Variants in MYO7B observed in about 807,000 individuals in gnomAD.
MYO7B encodes the protein unconventional myosin-VIIb.
MYO7B carries 212 observed loss-of-function variants against 259.7 expected under a neutral mutation model. The ratio of observed to expected loss-of-function variants is 0.82; its 90% CI spans 0.73 to 0.91. MYO7B has a LOEUF of 0.91. Ranked by LOEUF, MYO7B falls within the 40% of genes least tolerant of loss-of-function variation. The pLI is 0.00. For synonymous variants in MYO7B, 1,197 were observed against 1,166.4 expected, an observed-to-expected ratio of 1.03 and a Z score of -0.54; for missense variants, 2,732 against 2,813.5, an observed-to-expected ratio of 0.97 and a Z score of 0.66.
Position 127,609,716 on chromosome 2 carries a change from G to C in MYO7B, c.3024+1G>C. On this transcript the variant is annotated splice_donor_variant, in intron 23 of 47. Coordinates refer to ENST00000409816, the MANE Select transcript of MYO7B (RefSeq NM_001393586.1). LOFTEE classifies it high-confidence loss of function. This position sits in a 1 kb window ranked among gnomAD's most constrained non-coding sequence, Gnocchi z 6.9. ...CCACGAAGATGACACTGACTGCTTG[G>C]TACCAGGGTTCACTGGCTTCTAGTG... 6.2e-7 allele frequency: 1 copy of C among 1,613,926 alleles called. No individual in the cohort carries two copies. The highest frequency in any genetic ancestry group is 8.5e-7 in the Non-Finnish European group (1 of 1,179,862).
At chr2:127,575,898 A>G (rs889479664) in intron 7 of MYO7B, among the ~76,000 whole-genome samples, 2 of 152,212 alleles carry the variant, frequency 1.3e-5, no homozygotes, top group African/African-American at 4.8e-5. Flanking sequence ...CTGGGATTAC[A>G]GCCCAACTGA....
intron 6 of MYO7B, among the ~76,000 whole-genome samples, chr2:127,573,330 A>G (rs1018940594): frequency 6.6e-6 from 1 of 152,246 alleles, no homozygotes; most frequent in African/African-American, 2.4e-5. Flanking sequence ...ACATGTGTAT[A>G]TACTAGGATG....
At position 127,636,089 on chromosome 2, in the gene MYO7B, C is replaced by T; in HGVS notation, c.6007-119C>T. ...TCCACAGCACCGAGACTGTCCCATG[C>T]TGCATTCCTCCCCTCCCCTCCCCAC... is the stretch of plus-strand genomic sequence containing the variant. On this transcript the variant is annotated intron_variant, in intron 44 of 47. Transcript: ENST00000409816. This position sits in a 1 kb window ranked among gnomAD's most constrained non-coding sequence, Gnocchi z 4.5. 1 of 1,081,026 alleles carries T rather than the reference C, an allele frequency of 9.3e-7. No homozygotes were observed. The allele number at this position is 1,081,026 out of a possible 1,614,324, so 67.0% of individuals were successfully genotyped here. A position where few individuals can be genotyped will look rare whatever the true frequency, so the allele number is the denominator to read the frequency against.
At position 127,635,628 on chromosome 2, in the gene MYO7B, A is replaced by G. The variant is rs947510064; in HGVS notation, c.5821-94A>G. 4 of 1,344,018 alleles carry G rather than the reference A, an allele frequency of 3.0e-6. No homozygotes were observed. In the African/African-American group the frequency reaches 4.4e-5, roughly 15 times the overall value. 83.3% of individuals were successfully genotyped at this position (1,344,018 alleles called of 1,614,324 possible). A position where few individuals can be genotyped will look rare whatever the true frequency, so the allele number is the denominator to read the frequency against. ...CAGTCCGTCCTGGATGGAGTGGGCT[A>G]AGCCCCAGTTCCCCACCATCTGAGC... On this transcript the variant is annotated intron_variant, in intron 43 of 47. Transcript: ENST00000409816.
In MYO7B at chr2:127,614,106, C is replaced by T. The variant is rs896127676; in HGVS notation, c.3398+1503C>T. On this transcript the variant is annotated intron_variant, in intron 26 of 47. Transcript: ENST00000409816. This position sits in a 1 kb window ranked among gnomAD's most constrained non-coding sequence, Gnocchi z 4.6. ...TCTCTCATGGTTAATCCTCACTGGCCACCACACCACACCCTCCAATATGGC... is the reference window on the plus strand; with the variant it reads ...TCTCTCATGGTTAATCCTCACTGGCTACCACACCACACCCTCCAATATGGC... Among the ~76,000 whole-genome samples, 1 of 149,134 alleles carries T rather than the reference C, an allele frequency of 6.7e-6. No homozygotes were observed. The highest frequency in any genetic ancestry group is 1.5e-5 in the Non-Finnish European group (1 of 68,014).
At chr2:127,629,977 G>A (rs1024389283) in intron 35 of MYO7B, among the ~76,000 whole-genome samples, 151 bp downstream of exon 35, 10 of 152,228 alleles carry the variant, frequency 6.6e-5, no homozygotes, top group Admixed American at 5.9e-4. Context: ...CCATTCCTGC[G>A]GCAAGGTGTG....
intron 30 of MYO7B, 54 bp from the exon 31 acceptor site, chr2:127,625,314 G>T (rs917584685): frequency 1.1e-5 from 16 of 1,442,864 alleles, no homozygotes; most frequent in Non-Finnish European, 1.5e-5. Flanking sequence ...TCCTGGGGAA[G>T]GGGGGAGCTC....
chr2:127,581,767 G>A (rs1018427899), intron 10 of MYO7B, 124 bp from the exon 11 acceptor site: 54 of 1,373,818 alleles, frequency 3.9e-5, no homozygotes, highest in African/African-American at 7.2e-5. Flanking sequence ...CTCGGGCAGC[G>A]CCCACCCTCC....
chr2:127,571,146 T>A (rs910262760), intron 6 of MYO7B, among the ~76,000 whole-genome samples: 7 of 152,200 alleles, frequency 4.6e-5, no homozygotes, highest in African/African-American at 1.4e-4. Flanking sequence ...TTTCACTTTG[T>A]CAGAAACTTC....
rs1378344423 is a variant in MYO7B, at chr2:127,637,623, G to GGAGT, written c.*207_*210dup. 2.1e-6 allele frequency: 1 copy of GGAGT among 465,186 alleles called. No homozygotes were observed. Among genetic ancestry groups the GGAGT allele is most frequent in the Non-Finnish European group, 3.8e-6 (1 of 264,692 alleles). 28.8% of individuals were successfully genotyped at this position (465,186 alleles called of 1,614,324 possible). A position where few individuals can be genotyped will look rare whatever the true frequency, so the allele number is the denominator to read the frequency against. On this transcript the variant is annotated 3_prime_UTR_variant, in exon 48 of 48. Coordinates refer to ENST00000409816, the MANE Select transcript of MYO7B (RefSeq NM_001393586.1). ...AAAAGACGGGCCCAGAATGGGGTCG[G>GGAGT]GAGTCTCGGACCCCCAGGCTATTGG...
In MYO7B at chr2:127,625,484, G is replaced by A; in HGVS notation, c.4164G>A (p.Arg1388=). 1 of 1,611,662 alleles carries A rather than the reference G, an allele frequency of 6.2e-7. No homozygotes were observed. The highest frequency in any genetic ancestry group is 8.5e-7 in the Non-Finnish European group (1 of 1,179,352). Reference sequence around the variant, plus strand: ...GCTGCATCCCCCACAAGCTGTACAGGACCAAGCCCCCAGACAGGTGGGCGA... The same window carrying A: ...GCTGCATCCCCCACAAGCTGTACAGAACCAAGCCCCCAGACAGGTGGGCGA... ...LPSCIPHKLY[R]TKPPDRWASL... The change falls in exon 31 of 48, where the codon AGG becomes AGA. Residue 1388 remains arginine, a synonymous_variant. Coordinates refer to ENST00000409816, the MANE Select transcript of MYO7B (RefSeq NM_001393586.1).
intron 1 of MYO7B, among the ~76,000 whole-genome samples, chr2:127,550,742 G>A (rs1351848583): frequency 2.6e-5 from 4 of 151,950 alleles, no homozygotes; most frequent in Non-Finnish European, 4.4e-5. Context: ...ACCCAAGGAG[G>A]AGGAGGGTAT....
At chr2:127,568,292 G>A (rs1266953845) in intron 5 of MYO7B, among the ~76,000 whole-genome samples, 5 of 152,356 alleles carry the variant, frequency 3.3e-5, no homozygotes, top group Non-Finnish European at 4.4e-5. Context: ...GGAGGTTGGC[G>A]GGGCTGGCAG....
chr2:127,618,443 C>T (rs1852708), intron 26 of MYO7B, among the ~76,000 whole-genome samples: 52,048 of 151,944 alleles, frequency 0.34, 9,257 homozygotes, highest in South Asian at 0.54. Flanking sequence ...AGCTGCTTAA[C>T]TGATCACAGG....
At chr2:127,631,447 TAGGGCAGG>T in intron 37 of MYO7B, 84 bp downstream of exon 37, 1 of 1,554,392 alleles carries the variant, frequency 6.4e-7, no homozygotes, top group Non-Finnish European at 8.7e-7. Context: ...AGCTGTGCTC[TAGGGCAGG>T]AGAGCCCAGG....
rs1392493135 is a variant in MYO7B, at chr2:127,597,303, G to A, written c.2339+747G>A. Reference sequence around the variant, plus strand: ...TTTTAAATTAAACTTTTTGTTTTGAGATTACTGTAGATTTACATGCAGTTG... The same window carrying A: ...TTTTAAATTAAACTTTTTGTTTTGAAATTACTGTAGATTTACATGCAGTTG... On this transcript the variant is annotated intron_variant, in intron 19 of 47. Coordinates refer to ENST00000409816, the MANE Select transcript of MYO7B (RefSeq NM_001393586.1). This position sits in a 1 kb window ranked among gnomAD's most constrained non-coding sequence, Gnocchi z 4.8. Among the ~76,000 whole-genome samples the A allele has an allele frequency of 1.3e-5, 2 of 152,192 alleles. No individual in the cohort carries two copies. Among genetic ancestry groups the A allele is most frequent in the African/African-American group, 4.8e-5 (2 of 41,438 alleles).
At position 127,609,839 on chromosome 2, in the gene MYO7B, G is replaced by A; in HGVS notation, c.3025-10G>A. On this transcript the variant is annotated splice_polypyrimidine_tract_variant and intron_variant, in intron 23 of 47. Transcript: ENST00000409816. This position sits in a 1 kb window ranked among gnomAD's most constrained non-coding sequence, Gnocchi z 6.9. The stretch of plus-strand genomic sequence containing the variant: ...GGGTTCCCACTGGGCCTTCTGTCTT[G>A]TTTCCCCAGGCCGCCCTGGTCATAT... 1 of 1,613,558 alleles carries A rather than the reference G, an allele frequency of 6.2e-7. No individual in the cohort carries two copies. The highest frequency in any genetic ancestry group is 8.5e-7 in the Non-Finnish European group (1 of 1,179,634).
intron 5 of MYO7B, among the ~76,000 whole-genome samples, chr2:127,569,432 G>C (rs544282260): frequency 6.6e-6 from 1 of 152,080 alleles, no homozygotes. Flanking sequence ...TCTGCATTCC[G>C]AGCCTGCTGC....
rs559037828 is a variant in MYO7B at position 127,637,604 on chromosome 2, CG to C, written c.*190del. 5.7e-4 allele frequency: 270 copies of C among 476,956 alleles called. 1 individual carries two copies. The Middle Eastern group carries it at 6.4e-3, about 11-fold the overall frequency. The allele number at this position is 476,956 out of a possible 1,614,324, so 29.5% of individuals were successfully genotyped here. On this transcript the variant is annotated 3_prime_UTR_variant, in exon 48 of 48. Transcript: ENST00000409816. The stretch of plus-strand genomic sequence containing the variant: ...GGCGCTGCCCAGGGAGGCCAAAAGA[CG>C]GGCCCAGAATGGGGTCGGGAGTCTC...
Sources: gnomAD v4.1 joint callset for allele counts (sites outside exome capture counted in the v4.1 genomes callset) on GRCh38, gnomAD v4.1.1 for gene constraint, Gnocchi (gnomAD v3.1) non-coding constraint, MANE v1.5 for transcripts, NCBI Gene and HGNC (gene_info 2026-07-23, HGNC 2026-07-21) for gene names.